CDK19: variants seen among roughly 807,000 people sequenced by gnomAD.
CDK19 encodes the protein cyclin-dependent kinase 19.
A neutral mutation model predicts 68.3 loss-of-function variants in CDK19; 20 were observed. The observed-to-expected ratio is 0.29, with a 90% confidence interval of 0.21 to 0.43. The LOEUF (loss-of-function observed/expected upper bound fraction) is 0.43, where lower values mean the gene tolerates loss of function less well. Among genes scored for constraint, CDK19 ranks in the 20% least tolerant of loss-of-function variants. CDK19 has a pLI of 1.00. For synonymous variants in CDK19, 221 were observed against 222.8 expected (o/e 0.99, Z 0.07); for missense variants, 339 against 623.5 (o/e 0.54, Z 4.86).
intron 2 of CDK19, among the ~76,000 whole-genome samples, chr6:110,673,329 T>A (rs1771176811): frequency 6.6e-6 from 1 of 152,206 alleles, no homozygotes; most frequent in Admixed American, 6.5e-5. Context: ...TAGACCATAT[T>A]TCGTTTGTCC....
At chr6:110,704,385 A>G (rs925219682) in intron 2 of CDK19, among the ~76,000 whole-genome samples, 1 of 151,826 alleles carries the variant, frequency 6.6e-6, no homozygotes, top group Non-Finnish European at 1.5e-5. Context: ...CTTACCTTAC[A>G]TTATCTTTTT....
intron 2 of CDK19, among the ~76,000 whole-genome samples, chr6:110,744,842 T>C (rs1487930500): frequency 6.6e-6 from 1 of 152,224 alleles, no homozygotes; most frequent in Non-Finnish European, 1.5e-5. Flanking sequence ...CATCCAGGTC[T>C]AGAGATTTCC....
At chr6:110,728,774 T>C (rs2114784225) in intron 2 of CDK19, among the ~76,000 whole-genome samples, 1 of 152,282 alleles carries the variant, frequency 6.6e-6, no homozygotes, top group African/African-American at 2.4e-5. Context: ...TTATACACAA[T>C]GTTCCCTCTA....
At position 110,705,379 on chromosome 6, in the gene CDK19, A is replaced by G. The variant is rs901113615; in HGVS notation, c.205-34838T>C. On this transcript the variant is annotated intron_variant, in intron 2 of 12. Transcript: ENST00000368911. ...TAGTATCAGATGTGATGAGCTCAAG[A>G]TGTTCATGGGGCATACAGTTAGTGA... Among the ~76,000 whole-genome samples, 4 of 152,074 alleles carry G rather than the reference A, an allele frequency of 2.6e-5. No individual in the cohort carries two copies. In the East Asian group the frequency reaches 7.7e-4, roughly 29 times the overall value.
At chr6:110,643,663 AAC>A (rs1397397171) in intron 4 of CDK19, among the ~76,000 whole-genome samples, 1 of 152,248 alleles carries the variant, frequency 6.6e-6, no homozygotes, top group Non-Finnish European at 1.5e-5. Flanking sequence ...GTCACATAAA[AAC>A]ACAGACATGG....
At chr6:110,754,983 A>AT (rs149467670) in intron 1 of CDK19, among the ~76,000 whole-genome samples, 11,019 of 141,890 alleles carry the variant, frequency 0.078, 524 homozygotes, top group Non-Finnish European at 0.12. Context: ...TCCCTTGTGA[A>AT]TTTTTTTTTT....
rs140841728 is a variant in CDK19 at position 110,787,115 on chromosome 6, T to C, written c.128+27894A>G. On this transcript the variant is annotated intron_variant, in intron 1 of 12. Transcript: ENST00000368911. ...GGCCAGGCGCGGTGGCTCACACCTGTAATCCCCAGCACTTTGGGAGGTCCA... is the reference window on the plus strand; with the variant it reads ...GGCCAGGCGCGGTGGCTCACACCTGCAATCCCCAGCACTTTGGGAGGTCCA... 3.3e-5 allele frequency among the ~76,000 whole-genome samples: 5 copies of C among 152,266 alleles called. No homozygotes were observed. In the East Asian group the frequency reaches 9.7e-4, roughly 29 times the overall value.
chr6:110,691,983 A>C (rs915017741), intron 2 of CDK19, among the ~76,000 whole-genome samples: 1 of 151,582 alleles, frequency 6.6e-6, no homozygotes, highest in African/African-American at 2.4e-5. Context: ...AAGAAAAATC[A>C]ATCAGAACTT....
chr6:110,647,083 T>G (rs1463974857), intron 4 of CDK19, among the ~76,000 whole-genome samples: 2 of 151,948 alleles, frequency 1.3e-5, no homozygotes, highest in Non-Finnish European at 2.9e-5. Context: ...TACACCCTCC[T>G]GCCTCCCGAC....
At chr6:110,759,346 A>C (rs1429406072) in intron 1 of CDK19, among the ~76,000 whole-genome samples, 1 of 145,408 alleles carries the variant, frequency 6.9e-6, no homozygotes, top group African/African-American at 2.5e-5. Context: ...TGGAGCGTGC[A>C]GTGAGCCGAG....
chr6:110,721,106 G>A lies in CDK19; in HGVS notation c.204+25020C>T, dbSNP rs544164590. Among the ~76,000 whole-genome samples, 6 of 151,980 alleles carry A rather than the reference G, an allele frequency of 3.9e-5. No homozygotes were observed. In the South Asian group the frequency reaches 8.3e-4, roughly 21 times the overall value. On this transcript the variant is annotated intron_variant, in intron 2 of 12. Coordinates refer to ENST00000368911, the MANE Select transcript of CDK19 (RefSeq NM_015076.5). ...TACAAAAAAATTAGCTGGTCGTGGT[G>A]ACAGGCGCCTGTAGTCCCAGCTACT...
At chr6:110,708,602 G>GCC in intron 2 of CDK19, among the ~76,000 whole-genome samples, 1 of 152,168 alleles carries the variant, frequency 6.6e-6, no homozygotes, top group Non-Finnish European at 1.5e-5. Flanking sequence ...AAGTGTGCTG[G>GCC]CTAACAATGG....
intron 2 of CDK19, among the ~76,000 whole-genome samples, chr6:110,715,842 T>A (rs576371105): frequency 6.6e-6 from 1 of 152,350 alleles, no homozygotes; most frequent in East Asian, 1.9e-4. Context: ...TCCTAAAACA[T>A]CAAGCAGTTT....
chr6:110,815,255 G>GCGTCGCC lies in CDK19; in HGVS notation c.-120_-119insGGCGACG. Reference sequence around the variant, plus strand: ...ACAGCCGCCTCTCGCGCGCGCGCGCGCGCCGCCCGCCGCCCGCCGCTCCGC... The same window carrying GCGTCGCC: ...ACAGCCGCCTCTCGCGCGCGCGCGCGCGTCGCCCGCCGCCCGCCGCCCGCCGCTCCGC... On this transcript the variant is annotated 5_prime_UTR_variant, in exon 1 of 13. Transcript: ENST00000368911. The GCGTCGCC allele has an allele frequency of 8.7e-7, 1 of 1,154,292 alleles. No homozygotes were observed. Among genetic ancestry groups the GCGTCGCC allele is most frequent in the South Asian group, 2.5e-5 (1 of 40,648 alleles). The allele number at this position is 1,154,292 out of a possible 1,614,324, so 71.5% of individuals were successfully genotyped here.
At position 110,621,358 on chromosome 6, in the gene CDK19, G is replaced by A; in HGVS notation, c.1123C>T (p.Gln375Ter). ...GTGGGCTGCTGATGCTGGTTCTGCT[G>A]CTGTTGCTGATTCTTTTAAGGGGAA... The part of the protein sequence containing the change: ...EEKGDKNQQQ[Q>*]QNQHQQPTAP... Residue 375 changes from glutamine to a stop codon, truncating the protein, a stop_gained, in exon 12 of 13, where the codon CAG becomes TAG. Coordinates refer to ENST00000368911, the MANE Select transcript of CDK19 (RefSeq NM_015076.5). LOFTEE classifies it high-confidence loss of function. This position sits in a 1 kb window ranked among gnomAD's most constrained non-coding sequence, Gnocchi z 5.4. 2 of 1,549,256 alleles carry A rather than the reference G, an allele frequency of 1.3e-6. No homozygotes were observed. The highest frequency in any genetic ancestry group is 1.7e-6 in the Non-Finnish European group (2 of 1,150,938).
chr6:110,753,621 A>G (rs1778632035), intron 1 of CDK19, among the ~76,000 whole-genome samples: 1 of 151,722 alleles, frequency 6.6e-6, no homozygotes, highest in Non-Finnish European at 1.5e-5. Context: ...CCTAGGCTCA[A>G]GAGATCCTCC....
At chr6:110,736,098 T>C (rs1582985907) in intron 2 of CDK19, among the ~76,000 whole-genome samples, 1 of 152,138 alleles carries the variant, frequency 6.6e-6, no homozygotes, top group Admixed American at 6.5e-5. Context: ...TCCCAGCACT[T>C]TGGGAGGCCT....
intron 2 of CDK19, among the ~76,000 whole-genome samples, chr6:110,742,139 T>C (rs1273830911): frequency 6.6e-6 from 1 of 152,228 alleles, no homozygotes; most frequent in Non-Finnish European, 1.5e-5. Flanking sequence ...AGGGACCGGC[T>C]GGAGCCGCAG....
At chr6:110,814,973 C>G (rs1475029062) in intron 1 of CDK19, 36 bp downstream of exon 1, 4 of 1,597,330 alleles carry the variant, frequency 2.5e-6, no homozygotes, top group Non-Finnish European at 3.4e-6. Flanking sequence ...AGGGCGAGGA[C>G]CCGAGCGAGC....
Sources: allele counts gnomAD v4.1 joint callset (sites outside exome capture counted in the v4.1 genomes callset), GRCh38; gene constraint gnomAD v4.1.1; non-coding constraint Gnocchi (gnomAD v3.1); transcripts MANE v1.5; gene names NCBI Gene and HGNC (gene_info 2026-07-23, HGNC 2026-07-21).